The following KATNIP variants were observed in gnomAD, a reference collection of about 807,000 sequenced individuals.
KATNIP encodes the protein katanin-interacting protein.
Under a neutral mutation model 174.0 loss-of-function variants are expected in KATNIP, and 126 were observed. That is an observed-to-expected ratio of 0.72 (90% CI 0.63 to 0.84). The LOEUF is 0.84. Among genes scored for constraint, KATNIP ranks in the 40% least tolerant of loss-of-function variants. KATNIP has a pLI of 0.00. For missense variants in KATNIP, 1,958 were observed against 2,109.7 expected, an observed-to-expected ratio of 0.93 and a Z score of 1.41; for synonymous variants, 810 against 835.7, an observed-to-expected ratio of 0.97 and a Z score of 0.53.
intron 1 of KATNIP, among the ~76,000 whole-genome samples, chr16:27,558,590 C>G (rs2089724699): frequency 6.6e-6 from 1 of 152,232 alleles, no homozygotes; most frequent in Non-Finnish European, 1.5e-5. Flanking sequence ...CTTCCCCTTT[C>G]CCAAAGCAGT....
rs2082521234 is a variant in KATNIP at position 27,776,965 on chromosome 16, C to A, written c.4487C>A (p.Thr1496Asn). The A allele has an allele frequency of 6.2e-7, 1 of 1,613,828 alleles. No homozygotes were observed. The highest frequency in any genetic ancestry group is 8.5e-7 in the Non-Finnish European group (1 of 1,179,810). The change falls in exon 25 of 28, where the codon ACC (threonine) becomes AAC (asparagine). Residue 1496 changes from threonine (T) to asparagine (N), a missense_variant. Transcript: ENST00000261588. This position sits in a 1 kb window ranked among gnomAD's most constrained non-coding sequence, Gnocchi z 4.7. The part of the protein sequence containing the change: ...RVYVIFDLPT[T>N]VSMIKLWNYA... ...TATGTGATTTTCGATCTGCCTACCA[C>A]CGTGTCAATGATCAAACTGTGGAAT...
intron 2 of KATNIP, among the ~76,000 whole-genome samples, chr16:27,617,175 TG>T (rs1484756464): frequency 6.6e-6 from 1 of 152,180 alleles, no homozygotes; most frequent in Admixed American, 6.5e-5. Flanking sequence ...TGGCTGCAAA[TG>T]ACAGAAACTC....
intron 13 of KATNIP, among the ~76,000 whole-genome samples, chr16:27,710,135 G>A (rs1439647502): frequency 1.3e-5 from 2 of 152,176 alleles, no homozygotes; most frequent in South Asian, 2.1e-4. Context: ...CGAGGTGGGC[G>A]GATCACCTGA....
intron 15 of KATNIP, among the ~76,000 whole-genome samples, chr16:27,742,556 C>T (rs1317062325): frequency 1.3e-5 from 2 of 152,246 alleles, no homozygotes; most frequent in African/African-American, 4.8e-5. Flanking sequence ...AGCCAGGCTG[C>T]CTGGGCACGT....
At chr16:27,735,886 G>A (rs1441575466) in intron 14 of KATNIP, among the ~76,000 whole-genome samples, 2 of 152,174 alleles carry the variant, frequency 1.3e-5, no homozygotes, top group Admixed American at 6.5e-5. Flanking sequence ...AAACGATCTG[G>A]AGGTGAAACC....
chr16:27,586,402 G>GT (rs1373908113), intron 2 of KATNIP, among the ~76,000 whole-genome samples: 1 of 151,992 alleles, frequency 6.6e-6, no homozygotes, highest in African/African-American at 2.4e-5. Flanking sequence ...GAGCCCAGGA[G>GT]TTTGAGGCCA....
chr16:27,739,210 G>A (rs774816865), intron 14 of KATNIP, among the ~76,000 whole-genome samples: 3 of 152,134 alleles, frequency 2.0e-5, no homozygotes, highest in East Asian at 1.9e-4. Context: ...AGAGAGAGGC[G>A]AGGGACAGCT....
chr16:27,749,480 G>A (rs936584209), intron 15 of KATNIP, 104 bp from the exon 16 acceptor site: 1 of 1,343,122 alleles, frequency 7.4e-7, no homozygotes, highest in African/African-American at 1.5e-5. Context: ...CCCTGGAGGT[G>A]GCCCTGCCTC....
intron 2 of KATNIP, among the ~76,000 whole-genome samples, chr16:27,615,528 G>A (rs2076015872): frequency 6.6e-6 from 1 of 151,862 alleles, no homozygotes; most frequent in African/African-American, 2.4e-5. Context: ...CTAATTTTTT[G>A]TATTTTTAGT....
chr16:27,618,075 G>A (rs1183890656), intron 2 of KATNIP, among the ~76,000 whole-genome samples: 1 of 152,098 alleles, frequency 6.6e-6, no homozygotes, highest in African/African-American at 2.4e-5. Context: ...GGTTGCCTCT[G>A]GTTATGACAA....
chr16:27,715,880 T>C (rs146862942), intron 13 of KATNIP, among the ~76,000 whole-genome samples: 197 of 152,158 alleles, frequency 1.3e-3, no homozygotes, highest in Non-Finnish European at 1.5e-3. Context: ...GAAAACAGCT[T>C]AGCAATTTCT....
chr16:27,591,217 G>A (rs1347642778), intron 2 of KATNIP, among the ~76,000 whole-genome samples: 3 of 150,558 alleles, frequency 2.0e-5, no homozygotes, highest in Non-Finnish European at 4.4e-5. Flanking sequence ...ACGGAGTCTC[G>A]CTCTGTCACC....
chr16:27,761,159 C>T (rs3826253), intron 18 of KATNIP, among the ~76,000 whole-genome samples: 1,682 of 152,190 alleles, frequency 0.011, 33 homozygotes, highest in East Asian at 0.098. Context: ...ATCTGGTAGG[C>T]GGAGGAAGGA....
chr16:27,657,115 A>C (rs1489972835), intron 6 of KATNIP, among the ~76,000 whole-genome samples: 1 of 152,108 alleles, frequency 6.6e-6, no homozygotes, highest in Non-Finnish European at 1.5e-5. Context: ...TGATAGTTAC[A>C]TTGTGGCCAT....
chr16:27,665,277 G>A (rs1254303811), intron 6 of KATNIP, among the ~76,000 whole-genome samples: 1 of 151,624 alleles, frequency 6.6e-6, no homozygotes, highest in East Asian at 1.9e-4. Context: ...CTAATTTTTT[G>A]TATTTTTAGT....
intron 22 of KATNIP, among the ~76,000 whole-genome samples, chr16:27,772,867 A>G (rs1377724636): frequency 3.3e-5 from 5 of 151,992 alleles, no homozygotes; most frequent in Non-Finnish European, 2.9e-5. Flanking sequence ...ACATGCATGC[A>G]TACACACACA....
chr16:27,579,257 G>A (rs1186882104), intron 2 of KATNIP, among the ~76,000 whole-genome samples: 2 of 152,050 alleles, frequency 1.3e-5, no homozygotes, highest in Non-Finnish European at 2.9e-5. Context: ...CAGAGCCACT[G>A]TGAGGCCACT....
intron 2 of KATNIP, among the ~76,000 whole-genome samples, chr16:27,594,336 G>A (rs887276574): frequency 1.1e-4 from 16 of 151,976 alleles, no homozygotes; most frequent in African/African-American, 2.9e-4. Flanking sequence ...TGCTCCTTAC[G>A]CTGGGCCACA....
chr16:27,734,687 A>G (rs1351018794), intron 14 of KATNIP, among the ~76,000 whole-genome samples: 1 of 152,108 alleles, frequency 6.6e-6, no homozygotes, highest in Non-Finnish European at 1.5e-5. Flanking sequence ...ACAGAGAGAG[A>G]CGTCTCAAAA....
Sources: allele counts gnomAD v4.1 joint callset (sites outside exome capture counted in the v4.1 genomes callset), GRCh38; gene constraint gnomAD v4.1.1; non-coding constraint Gnocchi (gnomAD v3.1); transcripts MANE v1.5; gene names NCBI Gene and HGNC (gene_info 2026-07-23, HGNC 2026-07-21).